C12orf42: variants seen among roughly 807,000 people sequenced by gnomAD.
C12orf42 encodes uncharacterized protein C12orf42.
C12orf42 carries 25 observed loss-of-function variants against 21.6 expected under a neutral mutation model. That is an observed-to-expected ratio of 1.16 (90% CI 0.84 to 1.62). The LOEUF (loss-of-function observed/expected upper bound fraction) is 1.62. Among genes scored for constraint, C12orf42 ranks in the 40% most tolerant of loss-of-function variants. C12orf42 has a pLI of 0.00. For synonymous variants in C12orf42, 174 were observed against 175.0 expected, an observed-to-expected ratio of 0.99 and a Z score of 0.05; for missense variants, 483 against 459.3, an observed-to-expected ratio of 1.05 and a Z score of -0.47.
intron 5 of C12orf42, among the ~76,000 whole-genome samples, chr12:103,305,671 G>GTGTCTGGCACA (rs2038220246): frequency 6.6e-6 from 1 of 152,202 alleles, no homozygotes; most frequent in East Asian, 1.9e-4. Context: ...GCCTAGCACA[G>GTGTCTGGCACA]TGTCTGGCAC....
chr12:103,100,856 C>CA, the C12orf42 span, among the ~76,000 whole-genome samples: 6 of 151,230 alleles, frequency 4.0e-5, no homozygotes, highest in East Asian at 1.9e-4. Flanking sequence ...TTGGAGAGGA[C>CA]AAAAAAAAGA....
At chr12:103,301,705 T>A (rs1375199605), downstream of C12orf42, among the ~76,000 whole-genome samples, 1 of 152,182 alleles carries the variant, frequency 6.6e-6, no homozygotes, top group African/African-American at 2.4e-5. Flanking sequence ...TTTCCCAAAC[T>A]CTCTTTAGAA....
At chr12:103,079,015 G>T in the C12orf42 span, among the ~76,000 whole-genome samples, 1 of 152,130 alleles carries the variant, frequency 6.6e-6, no homozygotes, top group African/African-American at 2.4e-5. Context: ...TCCCAGATGG[G>T]TTGAAGATAT....
chr12:103,431,667 A>C (rs978390372), intron 2 of C12orf42, among the ~76,000 whole-genome samples: 5 of 152,258 alleles, frequency 3.3e-5, no homozygotes, highest in Non-Finnish European at 7.3e-5. Context: ...TAAGTGCTTA[A>C]GAAATAATCA....
At chr12:103,405,322 GA>G (rs2048339938) in intron 2 of C12orf42, among the ~76,000 whole-genome samples, 1 of 152,152 alleles carries the variant, frequency 6.6e-6, no homozygotes. Context: ...TTCAGATAAA[GA>G]ATGAATTTTC....
chr12:103,523,590 T>C, the C12orf42 span, among the ~76,000 whole-genome samples: 1 of 151,248 alleles, frequency 6.6e-6, no homozygotes, highest in Admixed American at 6.6e-5. Flanking sequence ...ACAGTATATA[T>C]ATACAGTTCA....
At chr12:103,558,310 G>A in the C12orf42 span, 10 of 152,264 alleles carry the variant, frequency 6.6e-5, no homozygotes, top group African/African-American at 2.2e-4. Flanking sequence ...CACATAGAAT[G>A]AAATCCCAAG....
chr12:103,388,463 CTCTT>C (rs894454916), intron 3 of C12orf42, among the ~76,000 whole-genome samples: 16 of 133,232 alleles, frequency 1.2e-4, no homozygotes, highest in African/African-American at 3.7e-4. Flanking sequence ...CAAGTACACT[CTCTT>C]TCTCTCTCCC....
the C12orf42 span, among the ~76,000 whole-genome samples, chr12:103,145,968 GA>G: frequency 6.6e-6 from 1 of 151,782 alleles, no homozygotes; most frequent in African/African-American, 2.4e-5. Context: ...GAGAGAGAGA[GA>G]AAGAGAGAAA....
the C12orf42 span, among the ~76,000 whole-genome samples, chr12:103,074,556 G>A: frequency 1.3e-5 from 2 of 152,054 alleles, no homozygotes; most frequent in Admixed American, 1.3e-4. Flanking sequence ...TTATATGCTA[G>A]ATAAAAAATG....
rs150992622 is a variant in C12orf42, at chr12:103,485,818, G to A, written c.-21-7371C>T. 6.3e-3 allele frequency among the ~76,000 whole-genome samples: 953 copies of A among 152,146 alleles called. 12 individuals carry two copies. Among genetic ancestry groups the A allele is most frequent in the African/African-American group, 0.022 (906 of 41,532 alleles). On this transcript the variant is annotated intron_variant, in intron 1 of 5. Transcript: ENST00000548883. ...GAATGCTTGTGATTTTTGCACATTG[G>A]TTTTGTATCCTGAGACTTTGCTGAA...
At chr12:103,478,309 C>T in intron 2 of C12orf42, 40 bp downstream of exon 2, 1 of 1,384,748 alleles carries the variant, frequency 7.2e-7, no homozygotes, top group African/African-American at 1.4e-5. Flanking sequence ...ACCTATTAAC[C>T]TAAAAAAAGT....
chr12:103,209,814 C>T, the C12orf42 span, among the ~76,000 whole-genome samples: 1 of 152,192 alleles, frequency 6.6e-6, no homozygotes, highest in African/African-American at 2.4e-5. Flanking sequence ...TCAGTACCCA[C>T]ACGTCTATGT....
chr12:103,095,768 G>A, the C12orf42 span, among the ~76,000 whole-genome samples: 5 of 152,228 alleles, frequency 3.3e-5, no homozygotes, highest in Admixed American at 6.5e-5. Context: ...TGCTCAGTAA[G>A]TATTGAGTGA....
intron 2 of C12orf42, chr12:103,472,047 ATTTTTTTTTTT>A (rs33994886): frequency 1.2e-5 from 1 of 84,356 alleles, no homozygotes; most frequent in African/African-American, 4.8e-5. Flanking sequence ...ATACAACTCA[ATTTTTTTTTTT>A]TTTTTTTTTT....
At chr12:103,298,527 T>C (rs1327651863), downstream of C12orf42, among the ~76,000 whole-genome samples, 1 of 152,216 alleles carries the variant, frequency 6.6e-6, no homozygotes, top group Non-Finnish European at 1.5e-5. Flanking sequence ...ATGGCCATAC[T>C]GCCCAAGGTA....
upstream of C12orf42, among the ~76,000 whole-genome samples, chr12:103,496,508 G>A (rs1413689389): frequency 6.6e-6 from 1 of 152,092 alleles, no homozygotes; most frequent in African/African-American, 2.4e-5. Context: ...ACTGGTCAAG[G>A]ACATTTAGCT....
intron 5 of C12orf42, among the ~76,000 whole-genome samples, chr12:103,302,813 T>C (rs2037862847): frequency 6.6e-6 from 1 of 152,066 alleles, no homozygotes; most frequent in Non-Finnish European, 1.5e-5. Flanking sequence ...AAATAGCTTT[T>C]GCATAATCCT....
At chr12:103,193,975 C>A in the C12orf42 span, among the ~76,000 whole-genome samples, 1 of 152,080 alleles carries the variant, frequency 6.6e-6, no homozygotes, top group African/African-American at 2.4e-5. Context: ...GCATCATACA[C>A]CATGACCAAG....
Sources: gnomAD v4.1 joint callset for allele counts (sites outside exome capture counted in the v4.1 genomes callset) on GRCh38, gnomAD v4.1.1 for gene constraint, MANE v1.5 for transcripts, NCBI Gene and HGNC (gene_info 2026-07-23, HGNC 2026-07-21) for gene names.